CHST9: variants seen among roughly 807,000 people sequenced by gnomAD.
The protein encoded by CHST9 is GalNAc-4-sulfotransferase 2.
CHST9 carries 41 observed loss-of-function variants against 44.4 expected under a neutral mutation model. The ratio of observed to expected loss-of-function variants is 0.92; its 90% confidence interval spans 0.72 to 1.20. CHST9 has a LOEUF of 1.20. Among genes scored for constraint, CHST9 ranks in the 50% most tolerant of loss-of-function variants. CHST9 has a pLI of 0.00. For missense variants in CHST9, 504 were observed against 516.5 expected (o/e 0.98, Z 0.23); for synonymous variants, 171 against 178.4 (o/e 0.96, Z 0.33).
In CHST9 at chr18:26,910,134, C is replaced by G. The variant is rs117721471; in HGVS notation, c.*6125G>C. 1.3e-5 allele frequency: 2 copies of G among 152,038 alleles called. No individual in the cohort carries two copies. The highest frequency in any genetic ancestry group is 4.8e-5 in the African/African-American group (2 of 41,378). The allele number at this position is 152,038 out of a possible 1,614,324, so 9.4% of individuals were successfully genotyped here. A position where few individuals can be genotyped will look rare whatever the true frequency, so the allele number is the denominator to read the frequency against. ...TGCAGAAAGAGGTGGGAAGGAATGT[C>G]GTTGCCAGGGGACCCAGTGGCTACG... On this transcript the variant is annotated 3_prime_UTR_variant, in exon 6 of 6. Transcript: ENST00000618847.
At chr18:27,120,157 G>A (rs372615996) in intron 2 of CHST9, among the ~76,000 whole-genome samples, 4 of 152,256 alleles carry the variant, frequency 2.6e-5, no homozygotes, top group African/African-American at 9.6e-5. Flanking sequence ...TGATGAAACC[G>A]TGCATTTTTC....
At chr18:27,065,595 T>A (rs1252005546) in intron 2 of CHST9, among the ~76,000 whole-genome samples, 3 of 151,074 alleles carry the variant, frequency 2.0e-5, no homozygotes, top group Non-Finnish European at 4.4e-5. Context: ...TTTTTTTTTT[T>A]TTTTTTTGAG....
In CHST9 at chr18:26,913,338, T is replaced by A. The variant is rs561641708; in HGVS notation, c.*2921A>T. 2.6e-5 allele frequency: 4 copies of A among 152,320 alleles called. No individual in the cohort carries two copies. The East Asian group carries it at 7.7e-4, about 29-fold the overall frequency. The allele number at this position is 152,320 out of a possible 1,614,324, so 9.4% of individuals were successfully genotyped here. On this transcript the variant is annotated 3_prime_UTR_variant, in exon 6 of 6. Transcript: ENST00000618847. Reference sequence around the variant, plus strand: ...AGACATCTAGCAAGTGGCATCACATTTCCATTGAATTAATGGATATTTCCA... The same window carrying A: ...AGACATCTAGCAAGTGGCATCACATATCCATTGAATTAATGGATATTTCCA...
At chr18:27,154,518 C>T (rs1047099749) in intron 1 of CHST9, among the ~76,000 whole-genome samples, 3 of 151,860 alleles carry the variant, frequency 2.0e-5, no homozygotes, top group Admixed American at 6.6e-5. Flanking sequence ...GAAGATCACC[C>T]GGATGTGGTG....
intron 2 of CHST9, among the ~76,000 whole-genome samples, chr18:27,052,718 T>C (rs576240600): frequency 6.6e-6 from 1 of 152,296 alleles, no homozygotes; most frequent in African/African-American, 2.4e-5. Context: ...GTGGCACATA[T>C]ACACCATGGA....
intron 2 of CHST9, among the ~76,000 whole-genome samples, chr18:27,083,515 C>G (rs570147983): frequency 1.3e-5 from 2 of 152,066 alleles, no homozygotes; most frequent in African/African-American, 4.8e-5. Context: ...GGCCTCATAG[C>G]AAAACAGACC....
chr18:27,096,072 C>T (rs905835944), intron 2 of CHST9, among the ~76,000 whole-genome samples: 2 of 152,008 alleles, frequency 1.3e-5, no homozygotes, highest in African/African-American at 4.8e-5. Flanking sequence ...AAATAGAAAT[C>T]ATACCAGTCA....
chr18:26,976,285 A>G (rs1483092015), intron 4 of CHST9, among the ~76,000 whole-genome samples: 1 of 152,062 alleles, frequency 6.6e-6, no homozygotes, highest in Non-Finnish European at 1.5e-5. Context: ...TGATATGAAG[A>G]CAGTCATTTA....
chr18:26,949,220 C>G (rs544827822), intron 4 of CHST9, among the ~76,000 whole-genome samples: 1 of 151,898 alleles, frequency 6.6e-6, no homozygotes, highest in Non-Finnish European at 1.5e-5. Context: ...AAGGGAGGGA[C>G]GCCAGGAGCA....
chr18:27,164,360 C>G (rs542577041), intron 1 of CHST9, among the ~76,000 whole-genome samples: 4 of 143,334 alleles, frequency 2.8e-5, no homozygotes, highest in Non-Finnish European at 4.6e-5. Context: ...AAAATATAAC[C>G]AAGTGAAAAA....
intron 2 of CHST9, among the ~76,000 whole-genome samples, chr18:27,128,163 T>G (rs1255402671): frequency 6.6e-6 from 1 of 152,226 alleles, no homozygotes; most frequent in African/African-American, 2.4e-5. Context: ...CTGGCTGATC[T>G]TGGGGATGAA....
intron 2 of CHST9, among the ~76,000 whole-genome samples, chr18:27,055,689 C>CA (rs1488027919): frequency 6.6e-6 from 1 of 151,962 alleles, no homozygotes; most frequent in Non-Finnish European, 1.5e-5. Context: ...GCTAGTACAC[C>CA]AAAAATTCCT....
At chr18:27,100,734 T>G (rs1389681405) in intron 2 of CHST9, among the ~76,000 whole-genome samples, 1 of 152,224 alleles carries the variant, frequency 6.6e-6, no homozygotes, top group South Asian at 2.1e-4. Context: ...GTGTATATTA[T>G]ATGGGCAACA....
chr18:26,938,817 T>C (rs1348000516), intron 5 of CHST9, among the ~76,000 whole-genome samples: 1 of 152,222 alleles, frequency 6.6e-6, no homozygotes, highest in Non-Finnish European at 1.5e-5. Flanking sequence ...TGTGCAGTCT[T>C]GGCTTGTTCC....
At chr18:26,992,717 G>A (rs955827285) in intron 4 of CHST9, among the ~76,000 whole-genome samples, 8 of 151,722 alleles carry the variant, frequency 5.3e-5, no homozygotes, top group African/African-American at 1.2e-4. Flanking sequence ...CACATGATGC[G>A]TTAACACTGG....
intron 2 of CHST9, among the ~76,000 whole-genome samples, chr18:27,089,928 A>G (rs1056188802): frequency 6.7e-6 from 1 of 149,826 alleles, no homozygotes; most frequent in African/African-American, 2.5e-5. Context: ...CTCCTGCCTC[A>G]GCCTCCCCAG....
At chr18:26,929,753 G>A (rs1041303899) in intron 5 of CHST9, among the ~76,000 whole-genome samples, 1 of 152,008 alleles carries the variant, frequency 6.6e-6, no homozygotes, top group Non-Finnish European at 1.5e-5. Context: ...TACGGGGTAG[G>A]AGGAGAGAGA....
At chr18:27,054,474 C>T (rs953946546) in intron 2 of CHST9, among the ~76,000 whole-genome samples, 13 of 152,100 alleles carry the variant, frequency 8.5e-5, no homozygotes, top group Admixed American at 7.2e-4. Flanking sequence ...AAAACTTTTT[C>T]CTTATATGAG....
intron 2 of CHST9, among the ~76,000 whole-genome samples, chr18:27,115,433 T>C (rs1313806575): frequency 1.3e-5 from 2 of 152,204 alleles, no homozygotes; most frequent in Non-Finnish European, 2.9e-5. Context: ...GGAAGAACCA[T>C]CAGACTTTTC....
Sources: allele counts gnomAD v4.1 joint callset (sites outside exome capture counted in the v4.1 genomes callset), GRCh38; gene constraint gnomAD v4.1.1; transcripts MANE v1.5; gene names NCBI Gene and HGNC (gene_info 2026-07-23, HGNC 2026-07-21).